Variants in GALNTL6 observed in about 807,000 individuals in gnomAD.
GALNTL6 encodes the protein polypeptide N-acetylgalactosaminyltransferase-like 6.
GALNTL6 carries 46 observed loss-of-function variants against 73.7 expected under a neutral mutation model. The ratio of observed to expected loss-of-function variants is 0.62; its 90% CI spans 0.49 to 0.80. GALNTL6 has a LOEUF of 0.80. GALNTL6 is among the 30% of genes least tolerant of loss of function. GALNTL6 has a pLI of 0.00. For synonymous variants in GALNTL6, 259 were observed against 263.7 expected (o/e 0.98, Z 0.17); for missense variants, 604 against 755.0 (o/e 0.80, Z 2.34).
intron 2 of GALNTL6, among the ~76,000 whole-genome samples, chr4:171,928,047 T>C (rs1738042501): frequency 6.6e-6 from 1 of 152,190 alleles, no homozygotes; most frequent in Admixed American, 6.6e-5. Flanking sequence ...TCAATAAATA[T>C]TTGTTGAAAA....
At chr4:172,897,884 A>G (rs1746412489) in intron 8 of GALNTL6, among the ~76,000 whole-genome samples, 1 of 152,196 alleles carries the variant, frequency 6.6e-6, no homozygotes, top group African/African-American at 2.4e-5. Context: ...ACTTCCTTCC[A>G]ATCTTTCAGT....
intron 2 of GALNTL6, among the ~76,000 whole-genome samples, chr4:171,868,545 A>T (rs1425178653): frequency 6.6e-6 from 1 of 152,156 alleles, no homozygotes; most frequent in East Asian, 1.9e-4. Flanking sequence ...ATCCAGCAGC[A>T]AACTTTCTTT....
In GALNTL6 at chr4:172,953,362, G is replaced by A. The variant is rs17059054; in HGVS notation, c.1371+1104G>A. On this transcript the variant is annotated intron_variant, in intron 10 of 12. Transcript: ENST00000506823. ...CAACCTGCTCTTAACAGAGGATATC[G>A]GGGGAAATGCATGAAGGCTAGATGT... 5.6e-3 allele frequency among the ~76,000 whole-genome samples: 850 copies of A among 152,274 alleles called. 12 individuals carry two copies. The highest frequency in any genetic ancestry group is 0.02 in the African/African-American group (817 of 41,562).
intron 7 of GALNTL6, among the ~76,000 whole-genome samples, chr4:172,863,509 A>C (rs1579580595): frequency 6.6e-6 from 1 of 152,158 alleles, no homozygotes; most frequent in East Asian, 1.9e-4. Context: ...TGACTGCCCC[A>C]CTGGATTTCA....
intron 5 of GALNTL6, among the ~76,000 whole-genome samples, chr4:172,411,613 GAA>G (rs1235210013): frequency 3.8e-5 from 5 of 133,014 alleles, no homozygotes; most frequent in South Asian, 2.4e-4. Context: ...TGGACATGTT[GAA>G]AAAAAAAAAA....
At chr4:172,923,467 A>T (rs1747894807) in intron 8 of GALNTL6, among the ~76,000 whole-genome samples, 1 of 152,036 alleles carries the variant, frequency 6.6e-6, no homozygotes, top group Non-Finnish European at 1.5e-5. Context: ...TCAAGATGAG[A>T]TTTGGGTGGG....
intron 10 of GALNTL6, among the ~76,000 whole-genome samples, chr4:172,999,910 CT>C (rs1170444062): frequency 1.4e-4 from 21 of 152,098 alleles, no homozygotes; most frequent in African/African-American, 4.8e-4. Context: ...CCAGAATTTA[CT>C]GTCTAAAACA....
intron 5 of GALNTL6, among the ~76,000 whole-genome samples, chr4:172,384,673 A>G (rs1177282978): frequency 6.6e-6 from 1 of 151,688 alleles, no homozygotes; most frequent in African/African-American, 2.4e-5. Flanking sequence ...TAATTTCTTT[A>G]GATGGAAGGT....
At chr4:171,998,019 C>A (rs1368190380) in intron 2 of GALNTL6, among the ~76,000 whole-genome samples, 5 of 152,056 alleles carry the variant, frequency 3.3e-5, no homozygotes, top group African/African-American at 1.2e-4. Flanking sequence ...AGAGGCTGGC[C>A]ACATCTTACT....
intron 10 of GALNTL6, among the ~76,000 whole-genome samples, chr4:173,003,740 T>A (rs1050036856): frequency 1.3e-5 from 2 of 152,218 alleles, no homozygotes; most frequent in Admixed American, 1.3e-4. Context: ...CATTTCTGAT[T>A]CCTAAGGCAA....
intron 2 of GALNTL6, among the ~76,000 whole-genome samples, chr4:172,129,610 A>G (rs932153818): frequency 1.3e-5 from 2 of 152,316 alleles, no homozygotes; most frequent in South Asian, 2.1e-4. Context: ...ATAAAATCAG[A>G]GTGCTCACAA....
chr4:172,737,011 A>G (rs577909386), intron 5 of GALNTL6, among the ~76,000 whole-genome samples: 20 of 152,330 alleles, frequency 1.3e-4, no homozygotes, highest in African/African-American at 4.8e-4. Flanking sequence ...ATGTGAGTCC[A>G]TTAAACCTCT....
At chr4:171,853,599 CTTTTTTTTTTTT>C (rs35078885) in intron 2 of GALNTL6, among the ~76,000 whole-genome samples, 2 of 35,310 alleles carry the variant, frequency 5.7e-5, no homozygotes, top group Admixed American at 4.2e-4. Flanking sequence ...TTTAGCCACT[CTTTTTTTTTTTT>C]TTTTTTTTTT....
intron 2 of GALNTL6, among the ~76,000 whole-genome samples, chr4:171,957,343 A>G (rs1739080405): frequency 6.6e-6 from 1 of 152,232 alleles, no homozygotes; most frequent in Non-Finnish European, 1.5e-5. Context: ...CTATAAAAGC[A>G]TATATTTATA....
intron 5 of GALNTL6, among the ~76,000 whole-genome samples, chr4:172,650,116 C>G (rs984939256): frequency 1.3e-5 from 2 of 152,264 alleles, no homozygotes; most frequent in Middle Eastern, 3.4e-3. Context: ...TAGAAAGAGG[C>G]CCAATCCTCT....
At chr4:172,448,247 A>G (rs1430880793) in intron 5 of GALNTL6, among the ~76,000 whole-genome samples, 1 of 152,154 alleles carries the variant, frequency 6.6e-6, no homozygotes, top group Non-Finnish European at 1.5e-5. Context: ...CAGAAAACAT[A>G]TTTGTTATAT....
At chr4:172,626,706 T>A (rs747808556) in intron 5 of GALNTL6, among the ~76,000 whole-genome samples, 5 of 152,148 alleles carry the variant, frequency 3.3e-5, no homozygotes, top group African/African-American at 7.2e-5. Flanking sequence ...TTTGTAGACA[T>A]CTTTCACCTT....
intron 5 of GALNTL6, among the ~76,000 whole-genome samples, chr4:172,530,272 A>G (rs1035464718): frequency 4.0e-5 from 6 of 150,570 alleles, no homozygotes; most frequent in Non-Finnish European, 5.9e-5. Flanking sequence ...ATTTTTAAAC[A>G]CTCAGCCCTT....
intron 5 of GALNTL6, among the ~76,000 whole-genome samples, chr4:172,539,863 TTATACATATGATTATA>T (rs1735481907): frequency 8.4e-6 from 1 of 119,174 alleles, no homozygotes. Flanking sequence ...ATATATATGA[TTATACATATGATTATA>T]TATATATATA....
Sources: allele counts gnomAD v4.1 joint callset (sites outside exome capture counted in the v4.1 genomes callset), GRCh38; gene constraint gnomAD v4.1.1; transcripts MANE v1.5; gene names NCBI Gene and HGNC (gene_info 2026-07-23, HGNC 2026-07-21).